The following UBASH3B variants were observed in gnomAD, a reference collection of about 807,000 sequenced individuals.
UBASH3B encodes ubiquitin-associated and SH3 domain-containing protein B.
A neutral mutation model predicts 83.4 loss-of-function variants in UBASH3B; 37 were observed. The ratio of observed to expected loss-of-function variants is 0.44; its 90% CI spans 0.34 to 0.58. UBASH3B has a LOEUF of 0.58. Among genes scored for constraint, UBASH3B ranks in the 20% least tolerant of loss-of-function variants. The pLI, the probability that UBASH3B is intolerant of heterozygous loss-of-function variation, is 0.01. For synonymous variants in UBASH3B, 304 were observed against 318.3 expected, an observed-to-expected ratio of 0.96 and a Z score of 0.48; for missense variants, 657 against 827.2, an observed-to-expected ratio of 0.79 and a Z score of 2.52.
intron 1 of UBASH3B, among the ~76,000 whole-genome samples, chr11:122,723,965 T>C (rs1860686611): frequency 6.6e-6 from 1 of 152,126 alleles, no homozygotes; most frequent in Non-Finnish European, 1.5e-5. Flanking sequence ...CATTGGGAGC[T>C]CCCGGAGTTT....
intron 1 of UBASH3B, among the ~76,000 whole-genome samples, chr11:122,693,885 TAAGA>T (rs1863927502): frequency 1.3e-5 from 2 of 151,816 alleles, no homozygotes; most frequent in Non-Finnish European, 2.9e-5. Flanking sequence ...AAAATAAAAA[TAAGA>T]AAGAAAGAAT....
At chr11:122,658,048 T>C (rs1285125742) in intron 1 of UBASH3B, among the ~76,000 whole-genome samples, 1 of 151,910 alleles carries the variant, frequency 6.6e-6, no homozygotes, top group African/African-American at 2.4e-5. Context: ...GGGTGGTGCA[T>C]GCCTGTAATC....
intron 5 of UBASH3B, among the ~76,000 whole-genome samples, chr11:122,785,389 T>C (rs1860929700): frequency 6.6e-6 from 1 of 152,156 alleles, no homozygotes; most frequent in African/African-American, 2.4e-5. Context: ...GCAGTTTTGA[T>C]TGATTGTTCC....
intron 1 of UBASH3B, among the ~76,000 whole-genome samples, chr11:122,734,370 G>C (rs1026793775): frequency 2.0e-5 from 3 of 152,284 alleles, no homozygotes; most frequent in Admixed American, 2.0e-4. Flanking sequence ...TGAGCAGACG[G>C]GGATTCCCAA....
chr11:122,706,536 T>C lies in UBASH3B; in HGVS notation c.161+50326T>C, dbSNP rs557922836. ...TCTGCATTTTACTCCAGTACCTAGATACGAGATTCTTTTAGGAAGTTGCTG... is the reference window on the plus strand; with the variant it reads ...TCTGCATTTTACTCCAGTACCTAGACACGAGATTCTTTTAGGAAGTTGCTG... On this transcript the variant is annotated intron_variant, in intron 1 of 13. Coordinates refer to ENST00000284273, the MANE Select transcript of UBASH3B (RefSeq NM_032873.5). Among the ~76,000 whole-genome samples, 14 of 152,318 alleles carry C rather than the reference T, an allele frequency of 9.2e-5. No homozygotes were observed. The South Asian group carries it at 1.9e-3, about 20-fold the overall frequency.
chr11:122,706,110 T>C (rs1010234998), intron 1 of UBASH3B, among the ~76,000 whole-genome samples: 1 of 143,178 alleles, frequency 7.0e-6, no homozygotes, highest in Non-Finnish European at 1.5e-5. Flanking sequence ...TTCTTTCTTT[T>C]TTTTTTTTTC....
intron 10 of UBASH3B, 32 bp from the exon 11 acceptor site, chr11:122,801,156 T>G: frequency 3.1e-6 from 5 of 1,607,918 alleles, no homozygotes; most frequent in Non-Finnish European, 4.2e-6. Flanking sequence ...CCACAGGCAC[T>G]TTCTTCATCT....
intron 1 of UBASH3B, among the ~76,000 whole-genome samples, chr11:122,687,304 T>C (rs1863821699): frequency 6.6e-6 from 1 of 152,222 alleles, no homozygotes; most frequent in African/African-American, 2.4e-5. Context: ...GTAATACATA[T>C]AAGGTCACGG....
At chr11:122,784,469 G>A (rs917426620) in intron 5 of UBASH3B, among the ~76,000 whole-genome samples, 1 of 152,102 alleles carries the variant, frequency 6.6e-6, no homozygotes, top group Admixed American at 6.6e-5. Flanking sequence ...AAACCAGCCT[G>A]GGCAGCATAG....
chr11:122,659,745 G>A (rs559913734), intron 1 of UBASH3B, among the ~76,000 whole-genome samples: 2 of 152,368 alleles, frequency 1.3e-5, no homozygotes, highest in South Asian at 4.1e-4. Flanking sequence ...TAAGATGGTT[G>A]TCTCAAACCT....
chr11:122,656,894 GTTC>G (rs1863372080), intron 1 of UBASH3B, among the ~76,000 whole-genome samples: 1 of 152,246 alleles, frequency 6.6e-6, no homozygotes, highest in Non-Finnish European at 1.5e-5. Flanking sequence ...AGGGGGAGCT[GTTC>G]TTCATCCTTC....
chr11:122,690,905 G>A (rs916616725), intron 1 of UBASH3B, among the ~76,000 whole-genome samples: 3 of 152,140 alleles, frequency 2.0e-5, no homozygotes, highest in Non-Finnish European at 2.9e-5. Flanking sequence ...TCCGAGCTGA[G>A]GAACTTGATC....
rs1316008874 is a variant in UBASH3B, at chr11:122,758,667, A to T, written c.162-17552A>T. 6.6e-6 allele frequency among the ~76,000 whole-genome samples: 1 copy of T among 152,194 alleles called. No individual in the cohort carries two copies. Among genetic ancestry groups the T allele is most frequent in the African/African-American group, 2.4e-5 (1 of 41,450 alleles). Reference sequence around the variant, plus strand: ...TTAGATGGGTTAGGTCTGTGCGATTATAAGTAGATGCACCTGCCACTCCAC... The same window carrying T: ...TTAGATGGGTTAGGTCTGTGCGATTTTAAGTAGATGCACCTGCCACTCCAC... On this transcript the variant is annotated intron_variant, in intron 1 of 13. Transcript: ENST00000284273. This position sits in a 1 kb window ranked among gnomAD's most constrained non-coding sequence, Gnocchi z 4.2.
chr11:122,711,932 T>C (rs927946556), intron 1 of UBASH3B, among the ~76,000 whole-genome samples: 2 of 151,844 alleles, frequency 1.3e-5, no homozygotes, highest in Non-Finnish European at 2.9e-5. Context: ...ATAATACCCA[T>C]ACCAAAGAAA....
Position 122,705,225 on chromosome 11 carries a change from T to A in UBASH3B, c.161+49015T>A, listed in dbSNP as rs181210276. On this transcript the variant is annotated intron_variant, in intron 1 of 13. Transcript: ENST00000284273. ...ACTTCGGGAGGCTGAGGCAGGCAGA[T>A]CATTTGAGGTGAGAAGTTTGAGACC... 2.3e-3 allele frequency among the ~76,000 whole-genome samples: 349 copies of A among 152,214 alleles called. 1 individual carries two copies. The highest frequency in any genetic ancestry group is 8.2e-3 in the African/African-American group (341 of 41,540).
At chr11:122,695,427 G>A (rs1018243841) in intron 1 of UBASH3B, among the ~76,000 whole-genome samples, 1 of 152,160 alleles carries the variant, frequency 6.6e-6, no homozygotes, top group Non-Finnish European at 1.5e-5. Flanking sequence ...GCAGGCTGGT[G>A]AGCATATGCA....
chr11:122,800,109 G>A (rs373232198), intron 10 of UBASH3B, among the ~76,000 whole-genome samples: 5 of 152,118 alleles, frequency 3.3e-5, no homozygotes, highest in Non-Finnish European at 5.9e-5. Flanking sequence ...CTTCTACACC[G>A]CTACTAGTAA....
At position 122,810,165 on chromosome 11, in the gene UBASH3B, G is replaced by C. The variant is rs751332073; in HGVS notation, c.*279G>C. 1 of 343,802 alleles carries C rather than the reference G, an allele frequency of 2.9e-6. No homozygotes were observed. Among genetic ancestry groups the C allele is most frequent in the African/African-American group, 2.1e-5 (1 of 47,570 alleles). The allele number at this position is 343,802 out of a possible 1,614,324, so 21.3% of individuals were successfully genotyped here. On this transcript the variant is annotated 3_prime_UTR_variant, in exon 14 of 14. Coordinates refer to ENST00000284273, the MANE Select transcript of UBASH3B (RefSeq NM_032873.5). ...CACCTGCTACAGAAGAGAATGTTTC[G>C]TTCCCTCTGGGTATGCACAGCTAAG... is the stretch of plus-strand genomic sequence containing the variant.
intron 1 of UBASH3B, among the ~76,000 whole-genome samples, chr11:122,711,289 C>G (rs1864187848): frequency 6.6e-6 from 1 of 152,260 alleles, no homozygotes; most frequent in African/African-American, 2.4e-5. Context: ...AATTCGTAAT[C>G]ATTTTAGTGC....
Sources: allele counts gnomAD v4.1 joint callset (sites outside exome capture counted in the v4.1 genomes callset), GRCh38; gene constraint gnomAD v4.1.1; non-coding constraint Gnocchi (gnomAD v3.1); transcripts MANE v1.5; gene names NCBI Gene and HGNC (gene_info 2026-07-23, HGNC 2026-07-21).